ATP9B: variants seen among roughly 807,000 people sequenced by gnomAD.
ATP9B encodes probable phospholipid-transporting ATPase IIB.
In ATP9B, 110 loss-of-function variants were observed where a neutral mutation model predicts 146.1. That is an observed-to-expected ratio of 0.75 (90% CI 0.65 to 0.88). The LOEUF is 0.88. Among genes scored for constraint, ATP9B ranks in the 40% least tolerant of loss-of-function variants. ATP9B has a pLI of 0.00. For missense variants in ATP9B, 1,499 were observed against 1,496.4 expected (o/e 1.00, Z -0.03); for synonymous variants, 604 against 569.7 (o/e 1.06, Z -0.86).
intron 13 of ATP9B, among the ~76,000 whole-genome samples, chr18:79,286,091 G>C (rs1386002799): frequency 2.0e-5 from 3 of 151,282 alleles, no homozygotes; most frequent in Non-Finnish European, 4.4e-5. Flanking sequence ...GGATTGACTT[G>C]GCGATGCGGG....
chr18:79,351,723 C>A (rs1374425788), intron 25 of ATP9B, among the ~76,000 whole-genome samples: 1 of 152,042 alleles, frequency 6.6e-6, no homozygotes, highest in Non-Finnish European at 1.5e-5. Context: ...AGCAAGAGGC[C>A]CCAAGAGCAG....
At chr18:79,230,562 G>A (rs569577459) in intron 11 of ATP9B, among the ~76,000 whole-genome samples, 1 of 152,272 alleles carries the variant, frequency 6.6e-6, no homozygotes, top group East Asian at 1.9e-4. Flanking sequence ...ACTGCTGAAA[G>A]AAATCATAGA....
chr18:79,369,402 G>A (rs961667266), intron 26 of ATP9B, among the ~76,000 whole-genome samples: 13 of 152,118 alleles, frequency 8.5e-5, no homozygotes, highest in African/African-American at 1.2e-4. Flanking sequence ...GTGTGGTGGC[G>A]GGCGCCTGTA....
chr18:79,087,697 A>T (rs907318321), intron 1 of ATP9B: 1 of 152,202 alleles, frequency 6.6e-6, no homozygotes. Flanking sequence ...TAAGCTAGTT[A>T]TTGTAATGAT....
At chr18:79,301,752 T>G (rs1489707635) in intron 13 of ATP9B, among the ~76,000 whole-genome samples, 3 of 152,210 alleles carry the variant, frequency 2.0e-5, no homozygotes, top group African/African-American at 7.2e-5. Context: ...TTCATAAAAC[T>G]TTGTGGAAGC....
At chr18:79,306,454 C>G (rs1320093988) in intron 14 of ATP9B, among the ~76,000 whole-genome samples, 1 of 152,104 alleles carries the variant, frequency 6.6e-6, no homozygotes, top group Non-Finnish European at 1.5e-5. Context: ...CTGAATGCAA[C>G]TTAGGATTGT....
intron 1 of ATP9B, chr18:79,095,763 G>GT (rs2074731014): frequency 6.6e-6 from 1 of 152,140 alleles, no homozygotes. Flanking sequence ...TCTCAAAAAG[G>GT]TAAGTTTTTA....
At chr18:79,121,218 G>A (rs77851503) in intron 4 of ATP9B, among the ~76,000 whole-genome samples, 4,279 of 152,260 alleles carry the variant, frequency 0.028, 217 homozygotes, top group African/African-American at 0.096. Context: ...TTTTGGACTA[G>A]CTCCGCATTG....
intron 7 of ATP9B, chr18:79,174,179 C>A: frequency 2.3e-6 from 1 of 433,412 alleles, no homozygotes; most frequent in Non-Finnish European, 4.6e-6. Context: ...AGGTTTTATT[C>A]ATTTTCTGTT....
At position 79,342,281 on chromosome 18, in the gene ATP9B, CA is replaced by C; in HGVS notation, c.2298del (p.Gly767AlafsTer29). ...RNAGIKIWML[T>X]GDKLETATCI... ...ATTGTTCCCTAGATATGGATGCTAA[CA>C]GGCGATAAACTCGAGACAGCTACCT... On this transcript the variant is annotated frameshift_variant, in exon 20 of 30. Coordinates refer to ENST00000426216, the MANE Select transcript of ATP9B (RefSeq NM_198531.5). LOFTEE classifies it high-confidence loss of function. 1 of 1,612,980 alleles carries C rather than the reference CA, an allele frequency of 6.2e-7. No homozygotes were observed. Among genetic ancestry groups the C allele is most frequent in the Non-Finnish European group, 8.5e-7 (1 of 1,179,162 alleles).
chr18:79,345,920 A>T (rs943093109), intron 23 of ATP9B, 81 bp downstream of exon 23: 2 of 1,468,328 alleles, frequency 1.4e-6, no homozygotes, highest in Non-Finnish European at 1.9e-6. Context: ...GCCACTGTAC[A>T]CTCAGCACCT....
At chr18:79,253,618 T>C in intron 12 of ATP9B, 77 bp downstream of exon 12, 1 of 1,401,622 alleles carries the variant, frequency 7.1e-7, no homozygotes, top group Non-Finnish European at 9.6e-7. Context: ...TTTCTCAGTA[T>C]GAAAGAAATT....
Position 79,230,380 on chromosome 18 carries a change from AAATTAAT to A in ATP9B, c.1107+16343_1107+16349del, listed in dbSNP as rs558871220. 1.7e-3 allele frequency among the ~76,000 whole-genome samples: 252 copies of A among 152,322 alleles called. 2 individuals are homozygous for A. In the South Asian group the frequency reaches 0.026, roughly 16 times the overall value. ...GAATTCAGCAAAGTTTCAGGATACA[AAATTAAT>A]GTACACAAATCAGTAGCCCTGCTGT... On this transcript the variant is annotated intron_variant, in intron 11 of 29. Transcript: ENST00000426216.
chr18:79,072,750 C>T (rs2072042661), intron 1 of ATP9B, among the ~76,000 whole-genome samples: 1 of 151,686 alleles, frequency 6.6e-6, no homozygotes, highest in African/African-American at 2.4e-5. Flanking sequence ...GCGCCCCCCA[C>T]CTCCCAGACG....
intron 9 of ATP9B, among the ~76,000 whole-genome samples, chr18:79,200,219 A>G (rs544903321): frequency 6.6e-6 from 1 of 152,186 alleles, no homozygotes; most frequent in Admixed American, 6.5e-5. Flanking sequence ...GGAATGCTTC[A>G]TCTCTGTTAT....
chr18:79,309,452 TAGAAGGTCAGGGGTTGAGGAGTGATCC>T (rs1327794603), intron 15 of ATP9B, among the ~76,000 whole-genome samples: 17 of 142,502 alleles, frequency 1.2e-4, no homozygotes, highest in African/African-American at 4.3e-4. Context: ...CCCCAGCAGG[TAGAAGGTCAGGGGTTGAGGAGTGATCC>T]CCAGCAGGTA....
At chr18:79,318,239 A>G (rs2096693209) in intron 15 of ATP9B, among the ~76,000 whole-genome samples, 1 of 152,244 alleles carries the variant, frequency 6.6e-6, no homozygotes, top group Admixed American at 6.5e-5. Context: ...CCCAAAGAGC[A>G]TGGTGTGAAA....
chr18:79,274,573 A>C (rs2145672932), intron 12 of ATP9B, among the ~76,000 whole-genome samples: 1 of 152,254 alleles, frequency 6.6e-6, no homozygotes, highest in South Asian at 2.1e-4. Flanking sequence ...TATTATATGC[A>C]ACCTGTGTGG....
At chr18:79,106,198 A>C (rs948978) in intron 2 of ATP9B, among the ~76,000 whole-genome samples, 1 of 151,976 alleles carries the variant, frequency 6.6e-6, no homozygotes, top group Non-Finnish European at 1.5e-5. Context: ...CTGAATAATC[A>C]ATAATTTAGA....
Sources: gnomAD v4.1 joint callset for allele counts (sites outside exome capture counted in the v4.1 genomes callset) on GRCh38, gnomAD v4.1.1 for gene constraint, MANE v1.5 for transcripts, NCBI Gene and HGNC (gene_info 2026-07-23, HGNC 2026-07-21) for gene names.